Variants in SLCO1B1 observed in about 807,000 individuals in gnomAD.
The protein encoded by SLCO1B1 is solute carrier organic anion transporter family member 1B1, also known as OATP-2.
SLCO1B1 carries 81 observed loss-of-function variants against 70.1 expected under a neutral mutation model. The observed-to-expected ratio is 1.16, with a 90% CI of 0.97 to 1.39. The LOEUF (loss-of-function observed/expected upper bound fraction) is 1.39, where lower values mean the gene tolerates loss of function less well. Ranked by LOEUF, SLCO1B1 falls within the 40% of genes most tolerant of loss-of-function variation. The probability of loss-of-function intolerance (pLI) is 0.00; values close to 1 mark genes in which losing one functional copy is unlikely to be tolerated. For synonymous variants in SLCO1B1, 283 were observed against 271.5 expected (o/e 1.04, Z -0.42); for missense variants, 895 against 799.6 (o/e 1.12, Z -1.44).
intron 7 of SLCO1B1, among the ~76,000 whole-genome samples, chr12:21,179,335 G>T (rs935999088): frequency 6.6e-6 from 1 of 152,106 alleles, no homozygotes; most frequent in Admixed American, 6.6e-5. Context: ...TTATTTTTCA[G>T]TTGATGGTGG....
chr12:21,158,184 ACTT>A (rs1298764866), intron 2 of SLCO1B1, among the ~76,000 whole-genome samples: 1 of 152,198 alleles, frequency 6.6e-6, no homozygotes, highest in African/African-American at 2.4e-5. Flanking sequence ...GTTTTATCCA[ACTT>A]CTTATCATTC....
intron 7 of SLCO1B1, among the ~76,000 whole-genome samples, chr12:21,179,543 A>G (rs1181279691): frequency 6.6e-6 from 1 of 152,208 alleles, no homozygotes; most frequent in African/African-American, 2.4e-5. Flanking sequence ...CAGAGGACAC[A>G]TAAATAAAAT....
chr12:21,137,153 G>A (rs1940235727), intron 1 of SLCO1B1, among the ~76,000 whole-genome samples: 1 of 152,164 alleles, frequency 6.6e-6, no homozygotes, highest in African/African-American at 2.4e-5. Context: ...GCGGATATTG[G>A]TGAACCACAA....
At chr12:21,137,056 A>T (rs1197424696) in intron 1 of SLCO1B1, among the ~76,000 whole-genome samples, 5 of 151,948 alleles carry the variant, frequency 3.3e-5, no homozygotes, top group Admixed American at 3.3e-4. Flanking sequence ...AACAGACAGG[A>T]CCCTCAGCTG....
At chr12:21,178,055 G>A (rs889243264) in intron 5 of SLCO1B1, among the ~76,000 whole-genome samples, 2 of 152,028 alleles carry the variant, frequency 1.3e-5, no homozygotes, top group Non-Finnish European at 1.5e-5. Context: ...TTACTTGTTT[G>A]TGCTTTTCTG....
At chr12:21,164,104 A>G (rs11045807) in intron 2 of SLCO1B1, among the ~76,000 whole-genome samples, 17,173 of 152,154 alleles carry the variant, frequency 0.11, 1,344 homozygotes, top group Non-Finnish European at 0.17. Context: ...GTGGAGGCAG[A>G]TCCATTTTTT....
At position 21,196,849 on chromosome 12, in the gene SLCO1B1, TG is replaced by T. The variant is rs1941097721; in HGVS notation, c.728-96del. On this transcript the variant is annotated intron_variant, in intron 7 of 14. Transcript: ENST00000256958. ...AAAGAAAAAAATCGTGTCTTGGAAT[TG>T]AGGAAATGTAGTTTACTTTCTTCAT... 11 of 1,257,640 alleles carry T rather than the reference TG, an allele frequency of 8.7e-6. No homozygotes were observed. The South Asian group carries it at 1.4e-4, about 16-fold the overall frequency. 77.9% of individuals were successfully genotyped at this position (1,257,640 alleles called of 1,614,324 possible).
At chr12:21,131,551 TA>T (rs1940133392) in intron 1 of SLCO1B1, among the ~76,000 whole-genome samples, 1 of 152,118 alleles carries the variant, frequency 6.6e-6, no homozygotes, top group African/African-American at 2.4e-5. Flanking sequence ...GTTACCTTCT[TA>T]AAATATGCTA....
rs112377005 is a variant in SLCO1B1 at position 21,141,879 on chromosome 12, A to G, written c.84+221A>G. Reference sequence around the variant, plus strand: ...ATTTTTGATGCTTAATAGTTTATCAATGTAGAAAATTTAGAAATATTTTGA... The same window carrying G: ...ATTTTTGATGCTTAATAGTTTATCAGTGTAGAAAATTTAGAAATATTTTGA... On this transcript the variant is annotated intron_variant, in intron 2 of 14. Transcript: ENST00000256958. Among the ~76,000 whole-genome samples the G allele has an allele frequency of 8.6e-5, 13 of 151,966 alleles. 1 individual carries two copies. The highest frequency in any genetic ancestry group is 3.3e-4 in the Admixed American group (5 of 15,248).
At chr12:21,208,267 G>T (rs1404829585) in intron 11 of SLCO1B1, among the ~76,000 whole-genome samples, 1 of 151,928 alleles carries the variant, frequency 6.6e-6, no homozygotes, top group Non-Finnish European at 1.5e-5. Flanking sequence ...ATAGTTTTAG[G>T]TTTTACATTT....
rs541161346 is a variant in SLCO1B1 at position 21,228,016 on chromosome 12, A to G, written c.1865+3177A>G. Reference sequence around the variant, plus strand: ...TGTGTACTATATATATTTAATATGCATATATATGCATATATAAGACAGACA... The same window carrying G: ...TGTGTACTATATATATTTAATATGCGTATATATGCATATATAAGACAGACA... On this transcript the variant is annotated intron_variant, in intron 14 of 14. Coordinates refer to ENST00000256958, the MANE Select transcript of SLCO1B1 (RefSeq NM_006446.5). Among the ~76,000 whole-genome samples the G allele has an allele frequency of 3.9e-5, 6 of 152,180 alleles. No homozygotes were observed. In the East Asian group the frequency reaches 9.7e-4, roughly 24 times the overall value.
At chr12:21,192,181 G>T (rs557140154) in intron 7 of SLCO1B1, among the ~76,000 whole-genome samples, 1 of 151,938 alleles carries the variant, frequency 6.6e-6, no homozygotes, top group Non-Finnish European at 1.5e-5. Flanking sequence ...GATTGGAATG[G>T]ATTGCCATTA....
At chr12:21,224,223 A>C (rs1260873960) in intron 13 of SLCO1B1, among the ~76,000 whole-genome samples, 1 of 152,064 alleles carries the variant, frequency 6.6e-6, no homozygotes, top group East Asian at 1.9e-4. Context: ...GCCTATACTT[A>C]TCTGGGGAGG....
chr12:21,214,019 T>C (rs368095729), intron 11 of SLCO1B1, among the ~76,000 whole-genome samples: 20 of 152,188 alleles, frequency 1.3e-4, no homozygotes, highest in African/African-American at 2.4e-4. Flanking sequence ...AATGTCCTCC[T>C]GTAGCTCAGA....
intron 7 of SLCO1B1, among the ~76,000 whole-genome samples, chr12:21,179,683 CT>C (rs1291417131): frequency 1.3e-5 from 2 of 152,160 alleles, no homozygotes; most frequent in African/African-American, 4.8e-5. Flanking sequence ...CCATATCTAT[CT>C]TTATCTTCTT....
chr12:21,239,309 T>C lies in SLCO1B1; in HGVS notation c.*120T>C. ...CTAAGAATTTCCACATCTTTTATGG[T>C]GGAAGTATAAATAAGCCTATGAACT... On this transcript the variant is annotated 3_prime_UTR_variant, in exon 15 of 15. Coordinates refer to ENST00000256958, the MANE Select transcript of SLCO1B1 (RefSeq NM_006446.5). The C allele has an allele frequency of 1.3e-6, 1 of 787,552 alleles. No individual in the cohort carries two copies. Among genetic ancestry groups the C allele is most frequent in the East Asian group, 2.5e-5 (1 of 40,148 alleles). The allele number at this position is 787,552 out of a possible 1,614,324, so 48.8% of individuals were successfully genotyped here.
At chr12:21,213,114 T>G (rs1163642521) in intron 11 of SLCO1B1, among the ~76,000 whole-genome samples, 2 of 152,078 alleles carry the variant, frequency 1.3e-5, no homozygotes, top group Non-Finnish European at 2.9e-5. Context: ...TTTATGATGT[T>G]AGCTGGTTAT....
chr12:21,159,730 G>A (rs1468185269), intron 2 of SLCO1B1, among the ~76,000 whole-genome samples: 2 of 151,842 alleles, frequency 1.3e-5, no homozygotes, highest in African/African-American at 2.4e-5. Flanking sequence ...TCTATATCTA[G>A]AAAACCCCAA....
chr12:21,156,978 A>C (rs1940551766), intron 2 of SLCO1B1, among the ~76,000 whole-genome samples: 1 of 152,184 alleles, frequency 6.6e-6, no homozygotes, highest in South Asian at 2.1e-4. Flanking sequence ...CAAATATGAT[A>C]CATGTACAAT....
Sources: gnomAD v4.1 joint callset for allele counts (sites outside exome capture counted in the v4.1 genomes callset) on GRCh38, gnomAD v4.1.1 for gene constraint, MANE v1.5 for transcripts, NCBI Gene and HGNC (gene_info 2026-07-23, HGNC 2026-07-21) for gene names.